The following SUSD3 variants were observed in gnomAD, a reference collection of about 807,000 sequenced individuals.
The protein encoded by SUSD3 is sushi domain containing 3.
In SUSD3, 18 loss-of-function variants were observed where a neutral mutation model predicts 20.6. The ratio of observed to expected loss-of-function variants is 0.87; its 90% confidence interval spans 0.60 to 1.30. The LOEUF (loss-of-function observed/expected upper bound fraction) is 1.30, where lower values mean the gene tolerates loss of function less well. SUSD3 is among the 50% of genes most tolerant of loss of function. SUSD3 has a pLI of 0.00. For synonymous variants in SUSD3, 137 were observed against 141.5 expected (o/e 0.97, Z 0.23); for missense variants, 306 against 346.9 (o/e 0.88, Z 0.94).
rs951276054 is a variant in SUSD3, at chr9:93,066,528, G to A, written c.88+7698G>A. 8.6e-5 allele frequency among the ~76,000 whole-genome samples: 13 copies of A among 151,180 alleles called. No homozygotes were observed. The East Asian group carries it at 9.9e-4, about 12-fold the overall frequency. Reference sequence around the variant, plus strand: ...ATTACAGGTATGAGCCACCGTGCTCGGCCAAGTATCTTCAGTTTTAAATGT... The same window carrying A: ...ATTACAGGTATGAGCCACCGTGCTCAGCCAAGTATCTTCAGTTTTAAATGT... On this transcript the variant is annotated intron_variant, in intron 1 of 4. Coordinates refer to ENST00000375472, the MANE Select transcript of SUSD3 (RefSeq NM_145006.4).
intron 4 of SUSD3, 90 bp downstream of exon 4, chr9:93,079,692 G>C: frequency 6.9e-7 from 1 of 1,449,316 alleles, no homozygotes; most frequent in Non-Finnish European, 9.4e-7. Flanking sequence ...CACACGCTGA[G>C]AGCCTGCTGC....
At position 93,084,698 on chromosome 9, in the gene SUSD3, G is replaced by A. The variant is rs117068327; in HGVS notation, c.719G>A (p.Gly240Glu). ...ANPRQPLPAS[G>E]LATGMPQQPA... ...CCCAGACAGCCCCTGCCTGCCTCTGGGCTGGCCACAGGAATGCCACAACAG... is the reference window on the plus strand; with the variant it reads ...CCCAGACAGCCCCTGCCTGCCTCTGAGCTGGCCACAGGAATGCCACAACAG... The change falls in exon 5 of 5, where the codon GGG becomes GAG. Residue 240 changes from glycine to glutamate, a missense_variant. Coordinates refer to ENST00000375472, the MANE Select transcript of SUSD3 (RefSeq NM_145006.4). The A allele has an allele frequency of 4.5e-4, 718 of 1,601,550 alleles. 12 individuals are homozygous for A. In the East Asian group the frequency reaches 0.015, roughly 33 times the overall value.
At chr9:93,078,030 G>A (rs766672424) in intron 3 of SUSD3, 37 bp downstream of exon 3, 2 of 1,613,536 alleles carry the variant, frequency 1.2e-6, no homozygotes, top group Admixed American at 3.3e-5. Flanking sequence ...CCTCCCGGGA[G>A]GCGCCTCTTG....
At chr9:93,065,221 A>G (rs1279509059) in intron 1 of SUSD3, among the ~76,000 whole-genome samples, 1 of 152,208 alleles carries the variant, frequency 6.6e-6, no homozygotes, top group Non-Finnish European at 1.5e-5. Flanking sequence ...TTATGCCTGG[A>G]CACGCACCAG....
intron 4 of SUSD3, among the ~76,000 whole-genome samples, chr9:93,080,330 A>C (rs1298701476): frequency 1.3e-5 from 2 of 151,336 alleles, no homozygotes; most frequent in East Asian, 1.9e-4. Context: ...AAAAAAAAAA[A>C]AAAAAAAAAA....
chr9:93,058,841 G>C lies in SUSD3; in HGVS notation c.88+11G>C. 7.9e-7 allele frequency: 1 copy of C among 1,263,916 alleles called. No individual in the cohort carries two copies. Among genetic ancestry groups the C allele is most frequent in the Non-Finnish European group, 1.0e-6 (1 of 1,002,400 alleles). The allele number at this position is 1,263,916 out of a possible 1,614,324, so 78.3% of individuals were successfully genotyped here. ...CAGGGAACCGCACAGGTGAGGGCTG[G>C]GGCCGAGTGGCCGCGTGCGGGGCTC... On this transcript the variant is annotated intron_variant, in intron 1 of 4. Coordinates refer to ENST00000375472, the MANE Select transcript of SUSD3 (RefSeq NM_145006.4).
chr9:93,062,938 C>T (rs1278903108), intron 1 of SUSD3, among the ~76,000 whole-genome samples: 1 of 152,166 alleles, frequency 6.6e-6, no homozygotes, highest in Non-Finnish European at 1.5e-5. Context: ...CTACGGAATC[C>T]TGGCTGTGAG....
At chr9:93,060,042 G>C (rs182133969) in intron 1 of SUSD3, among the ~76,000 whole-genome samples, 88 of 152,344 alleles carry the variant, frequency 5.8e-4, no homozygotes, top group Non-Finnish European at 9.1e-4. Context: ...GGGCGTGGGT[G>C]CCAGTGCCCT....
intron 3 of SUSD3, among the ~76,000 whole-genome samples, chr9:93,078,245 G>A (rs982645742): frequency 1.2e-4 from 19 of 152,168 alleles, no homozygotes; most frequent in African/African-American, 3.1e-4. Context: ...ATGGGTTCAC[G>A]GGGGATTATT....
chr9:93,069,007 G>A lies in SUSD3; in HGVS notation c.89-6777G>A. The A allele has an allele frequency of 6.5e-6, 4 of 618,002 alleles. No homozygotes were observed. In the South Asian group the frequency reaches 7.3e-5, roughly 11 times the overall value. The allele number at this position is 618,002 out of a possible 1,614,324, so 38.3% of individuals were successfully genotyped here. ...TTATAATAAGAGTAATGTGAATGTG[G>A]TCTCTCTCTCTCTAAATATCTTAAT... is the stretch of plus-strand genomic sequence containing the variant. On this transcript the variant is annotated intron_variant, in intron 1 of 4. Transcript: ENST00000375472.
intron 1 of SUSD3, among the ~76,000 whole-genome samples, chr9:93,073,335 C>T (rs1279036133): frequency 6.6e-6 from 1 of 151,754 alleles, no homozygotes; most frequent in African/African-American, 2.4e-5. Context: ...CAAGCTCTGC[C>T]TCCTGGGTTC....
intron 3 of SUSD3, 40 bp downstream of exon 3, chr9:93,078,033 G>A (rs187520947): frequency 2.2e-5 from 35 of 1,613,202 alleles, no homozygotes; most frequent in African/African-American, 1.5e-4. Context: ...CCCGGGAGGC[G>A]CCTCTTGGCA....
chr9:93,071,074 CTG>C (rs781070120), intron 1 of SUSD3, among the ~76,000 whole-genome samples: 3 of 152,194 alleles, frequency 2.0e-5, no homozygotes, highest in Non-Finnish European at 4.4e-5. Flanking sequence ...GAGTTTATTG[CTG>C]TCTCTTCTTA....
At chr9:93,064,134 T>C (rs1204581181) in intron 1 of SUSD3, among the ~76,000 whole-genome samples, 3 of 152,166 alleles carry the variant, frequency 2.0e-5, no homozygotes, top group Non-Finnish European at 2.9e-5. Flanking sequence ...CTGCGGCTTC[T>C]GCCTCCTGGT....
At chr9:93,068,083 A>G (rs1227463525) in intron 1 of SUSD3, among the ~76,000 whole-genome samples, 1 of 152,154 alleles carries the variant, frequency 6.6e-6, no homozygotes, top group East Asian at 1.9e-4. Context: ...GAATTGTAAT[A>G]ATTCTTTATA....
intron 1 of SUSD3, 49 bp from the exon 2 acceptor site, chr9:93,075,735 T>TCCCCCCCCC: frequency 4.0e-5 from 10 of 247,428 alleles, no homozygotes; most frequent in South Asian, 7.0e-5. Context: ...CTGCCCTGCG[T>TCCCCCCCCC]GCCCACCCCC....
At chr9:93,077,055 G>T (rs1441498517) in intron 2 of SUSD3, among the ~76,000 whole-genome samples, 1 of 152,248 alleles carries the variant, frequency 6.6e-6, no homozygotes, top group Non-Finnish European at 1.5e-5. Flanking sequence ...CCACTAGGGA[G>T]CATGGGAAAT....
chr9:93,083,882 G>T (rs780158149), intron 4 of SUSD3, among the ~76,000 whole-genome samples: 3 of 152,166 alleles, frequency 2.0e-5, no homozygotes, highest in African/African-American at 7.2e-5. Flanking sequence ...GCTTTGGGAG[G>T]GGAGAGAGAC....
intron 2 of SUSD3, among the ~76,000 whole-genome samples, chr9:93,076,884 G>A (rs747341789): frequency 5.2e-4 from 79 of 152,372 alleles, no homozygotes; most frequent in South Asian, 1.0e-3. Flanking sequence ...TATGTTCCAG[G>A]CAGCTGTTAT....
Sources: gnomAD v4.1 joint callset for allele counts (sites outside exome capture counted in the v4.1 genomes callset) on GRCh38, gnomAD v4.1.1 for gene constraint, MANE v1.5 for transcripts, NCBI Gene and HGNC (gene_info 2026-07-23, HGNC 2026-07-21) for gene names.